Variants in NALCN observed in about 807,000 individuals in gnomAD.
NALCN encodes sodium leak channel, non-selective.
Under a neutral mutation model 225.3 loss-of-function variants are expected in NALCN, and 111 were observed. That is an observed-to-expected ratio of 0.49 (90% CI 0.42 to 0.58). NALCN has a LOEUF of 0.58. Among genes scored for constraint, NALCN ranks in the 20% least tolerant of loss-of-function variants. The pLI is 0.00. For synonymous variants in NALCN, 764 were observed against 769.0 expected (o/e 0.99, Z 0.11); for missense variants, 1,378 against 2,202.4 (o/e 0.63, Z 7.49).
intron 28 of NALCN, among the ~76,000 whole-genome samples, chr13:101,090,956 G>T (rs2034202233): frequency 6.6e-6 from 1 of 152,044 alleles, no homozygotes; most frequent in African/African-American, 2.4e-5. Context: ...TTCTGTGGGG[G>T]CCAGGGATGT....
chr13:101,312,114 T>C (rs1476073083), intron 7 of NALCN, among the ~76,000 whole-genome samples: 1 of 152,236 alleles, frequency 6.6e-6, no homozygotes, highest in African/African-American at 2.4e-5. Flanking sequence ...GAGGAATTTA[T>C]CCATTTCTTC....
intron 11 of NALCN, among the ~76,000 whole-genome samples, chr13:101,254,019 A>C (rs896979609): frequency 1.3e-5 from 2 of 152,234 alleles, no homozygotes; most frequent in Admixed American, 1.3e-4. Context: ...TCTGATACAA[A>C]GAGAAATGGC....
rs537798456 is a variant in NALCN at position 101,072,112 on chromosome 13, C to G, written c.4197+1472G>C. Among the ~76,000 whole-genome samples, 9 of 152,218 alleles carry G rather than the reference C, an allele frequency of 5.9e-5. No homozygotes were observed. In the South Asian group the frequency reaches 1.7e-3, roughly 28 times the overall value. On this transcript the variant is annotated intron_variant, in intron 37 of 43. Transcript: ENST00000251127. ...AACTACAAAAGAAACATCAAAAGATCACTGATCACAGATCACCAAAACAGA... is the reference window on the plus strand; with the variant it reads ...AACTACAAAAGAAACATCAAAAGATGACTGATCACAGATCACCAAAACAGA...
At chr13:101,188,694 A>AT (rs869214847) in intron 14 of NALCN, among the ~76,000 whole-genome samples, 4 of 134,044 alleles carry the variant, frequency 3.0e-5, no homozygotes, top group South Asian at 2.3e-4. Context: ...ATATATATAT[A>AT]TTTTTTTGAG....
intron 19 of NALCN, 137 bp from the exon 20 acceptor site, chr13:101,110,825 A>C: frequency 1.2e-6 from 1 of 869,360 alleles, no homozygotes; most frequent in Non-Finnish European, 1.8e-6. Flanking sequence ...TCATAGCAGA[A>C]GCTTATACTC....
intron 10 of NALCN, among the ~76,000 whole-genome samples, chr13:101,264,944 T>C (rs995100707): frequency 6.6e-6 from 1 of 152,160 alleles, no homozygotes; most frequent in African/African-American, 2.4e-5. Context: ...AGTTAAGAAA[T>C]GCAAATGCAG....
intron 37 of NALCN, among the ~76,000 whole-genome samples, chr13:101,071,991 G>A (rs2032923651): frequency 1.3e-5 from 2 of 152,106 alleles, no homozygotes; most frequent in South Asian, 2.1e-4. Flanking sequence ...AAGAGTTGGA[G>A]AAACAGATGT....
chr13:101,063,362 T>C (rs1370100940), intron 40 of NALCN, among the ~76,000 whole-genome samples: 1 of 152,212 alleles, frequency 6.6e-6, no homozygotes, highest in Non-Finnish European at 1.5e-5. Flanking sequence ...TGCTTTTATC[T>C]TCACTGTTTG....
intron 16 of NALCN, 146 bp downstream of exon 16, chr13:101,144,614 A>C: frequency 4.7e-6 from 3 of 642,576 alleles, no homozygotes; most frequent in Non-Finnish European, 7.3e-6. Context: ...ATTTATTTTA[A>C]ATAGAGGTAG....
At chr13:101,181,729 C>CAAGT (rs1347127831) in intron 14 of NALCN, among the ~76,000 whole-genome samples, 1 of 151,840 alleles carries the variant, frequency 6.6e-6, no homozygotes, top group African/African-American at 2.4e-5. Context: ...GATGGCAGAG[C>CAAGT]AAGTCCCTGT....
At chr13:101,237,481 G>A (rs2041604193) in intron 12 of NALCN, among the ~76,000 whole-genome samples, 1 of 151,826 alleles carries the variant, frequency 6.6e-6, no homozygotes, top group South Asian at 2.1e-4. Context: ...AAAAATATGT[G>A]TATCTATATA....
At chr13:101,352,012 T>C (rs1232166605) in intron 6 of NALCN, among the ~76,000 whole-genome samples, 2 of 152,210 alleles carry the variant, frequency 1.3e-5, no homozygotes, top group East Asian at 3.8e-4. Flanking sequence ...TTAGCCTCTT[T>C]TCAGAAAAAT....
intron 14 of NALCN, among the ~76,000 whole-genome samples, chr13:101,187,234 T>G (rs2139988121): frequency 6.6e-6 from 1 of 152,340 alleles, no homozygotes; most frequent in Admixed American, 6.5e-5. Flanking sequence ...TGTTGATTTC[T>G]TACTATGCCT....
chr13:101,207,162 A>T (rs1445758566), intron 13 of NALCN, among the ~76,000 whole-genome samples: 2 of 152,318 alleles, frequency 1.3e-5, no homozygotes, highest in East Asian at 3.9e-4. Context: ...TTTTAGTGTC[A>T]TTTTATATAA....
chr13:101,279,772 C>G (rs373412495), intron 10 of NALCN, among the ~76,000 whole-genome samples: 1,600 of 149,160 alleles, frequency 0.011, 12 homozygotes, highest in Non-Finnish European at 0.015. Flanking sequence ...AGCCGAGATC[C>G]CGCCACTGCA....
At chr13:101,303,339 A>G (rs2044039159) in intron 7 of NALCN, among the ~76,000 whole-genome samples, 1 of 152,168 alleles carries the variant, frequency 6.6e-6, no homozygotes, top group Non-Finnish European at 1.5e-5. Context: ...GCCTGGTCAC[A>G]ATTTGGCTTA....
Position 101,104,426 on chromosome 13 carries a change from T to C in NALCN, c.2758A>G (p.Ile920Val). The change falls in exon 25 of 44, where the codon ATT becomes GTT. Residue 920 changes from isoleucine (I) to valine (V), a missense_variant and splice_region_variant. Coordinates refer to ENST00000251127, the MANE Select transcript of NALCN (RefSeq NM_052867.4). The surrounding 1 kb of genome is among the most constrained non-coding windows in gnomAD (Gnocchi z 4.2). ...AATATCACAAACACATACTCAGCAA[T>C]CTGAAACGGGCAAAAGGCAGTTTGG... is the stretch of plus-strand genomic sequence containing the variant. ...RRVMHAPTLQ[I>V]AEYVFVIFMS... 1 of 1,612,992 alleles carries C rather than the reference T, an allele frequency of 6.2e-7. No individual in the cohort carries two copies. Among genetic ancestry groups the C allele is most frequent in the Non-Finnish European group, 8.5e-7 (1 of 1,179,314 alleles).
intron 18 of NALCN, among the ~76,000 whole-genome samples, chr13:101,121,370 C>T (rs557590169): frequency 2.0e-5 from 3 of 152,106 alleles, no homozygotes; most frequent in Non-Finnish European, 4.4e-5. Flanking sequence ...TATCTCAAGA[C>T]GCTAATATTT....
At chr13:101,288,033 A>C (rs1421878360) in intron 9 of NALCN, among the ~76,000 whole-genome samples, 1 of 152,214 alleles carries the variant, frequency 6.6e-6, no homozygotes, top group Non-Finnish European at 1.5e-5. Context: ...GATTCTTTGA[A>C]AATTTATGGT....
Sources: gnomAD v4.1 joint callset for allele counts (sites outside exome capture counted in the v4.1 genomes callset) on GRCh38, gnomAD v4.1.1 for gene constraint, Gnocchi (gnomAD v3.1) non-coding constraint, MANE v1.5 for transcripts, NCBI Gene and HGNC (gene_info 2026-07-23, HGNC 2026-07-21) for gene names.